Variants in DOCK11 observed in about 807,000 individuals in gnomAD.
The protein encoded by DOCK11 is dedicator of cytokinesis 11.
DOCK11 carries 70 observed loss-of-function variants against 169.1 expected under a neutral mutation model. The observed-to-expected ratio is 0.41, with a 90% confidence interval of 0.34 to 0.51. The LOEUF is 0.51. DOCK11 is among the 20% of genes least tolerant of loss of function. The pLI is 0.10. For missense variants in DOCK11, 1,166 were observed against 1,538.8 expected, an observed-to-expected ratio of 0.76 and a Z score of 4.05; for synonymous variants, 529 against 541.3, an observed-to-expected ratio of 0.98 and a Z score of 0.32.
At chrX:118,523,603 C>T (rs1422693992) in intron 1 of DOCK11, among the ~76,000 whole-genome samples, 2 of 112,267 alleles carry the variant, frequency 1.8e-5, no homozygotes, top group Non-Finnish European at 3.8e-5. Flanking sequence ...GGATATTCAA[C>T]AGTTCAGCCT....
intron 28 of DOCK11, among the ~76,000 whole-genome samples, chrX:118,612,677 CAT>C (rs1461183481): frequency 8.9e-6 from 1 of 111,832 alleles, no homozygotes; most frequent in African/African-American, 3.3e-5. Context: ...AAACAAGTAA[CAT>C]AGTGCAGAGT....
chrX:118,633,995 C>T (rs1426820218), intron 35 of DOCK11: 2 of 112,481 alleles, frequency 1.8e-5, no homozygotes, highest in South Asian at 3.7e-4. Flanking sequence ...TGTCATTGAA[C>T]AGCAGTCACA....
At chrX:118,637,187 A>C (rs1344786775) in intron 36 of DOCK11, among the ~76,000 whole-genome samples, 1 of 110,663 alleles carries the variant, frequency 9.0e-6, no homozygotes, top group Admixed American at 9.7e-5. Context: ...ACTAATGAAA[A>C]TATCTGATGT....
chrX:118,635,653 T>C (rs1280822087), intron 35 of DOCK11, among the ~76,000 whole-genome samples: 1 of 111,782 alleles, frequency 8.9e-6, no homozygotes, highest in Admixed American at 9.5e-5. Flanking sequence ...AGTGGCACGA[T>C]CTCAGCTCAC....
At chrX:118,638,247 T>A (rs2015442494) in intron 37 of DOCK11, 120 bp downstream of exon 37, 1 of 606,119 alleles carries the variant, frequency 1.6e-6, no homozygotes, top group African/African-American at 2.3e-5. Flanking sequence ...TACCGGTGAT[T>A]TAGTTAACAT....
chrX:118,679,740 AAAAT>A (rs1344127022), intron 48 of DOCK11, among the ~76,000 whole-genome samples: 4 of 110,320 alleles, frequency 3.6e-5, no homozygotes, highest in East Asian at 2.8e-4. Context: ...CTCCATCTCA[AAAAT>A]AAATAAATAA....
intron 48 of DOCK11, among the ~76,000 whole-genome samples, chrX:118,679,918 ATT>A (rs55756738): frequency 1.0e-3 from 56 of 55,405 alleles, no homozygotes; most frequent in East Asian, 2.1e-3. Context: ...GATTACAGTA[ATT>A]TTTTTTTTTT....
intron 13 of DOCK11, among the ~76,000 whole-genome samples, chrX:118,579,427 C>T (rs764484606): frequency 9.3e-6 from 1 of 107,597 alleles, no homozygotes; most frequent in East Asian, 2.8e-4. Flanking sequence ...TTATGTACAT[C>T]AATCTGTTGT....
chrX:118,666,970 C>T (rs190298285), intron 45 of DOCK11, among the ~76,000 whole-genome samples: 5 of 111,686 alleles, frequency 4.5e-5, no homozygotes, highest in Admixed American at 2.9e-4. Flanking sequence ...CCCTAATAAC[C>T]GATGATGTCT....
At position 118,601,105 on chromosome X, in the gene DOCK11, G is replaced by A. The variant is rs753030581; in HGVS notation, c.2562+1877G>A. ...GACAGTCAATAAGTGGTGGCTATAT[G>A]GCTATATGTTCTTAACTATCATTAA... is the stretch of plus-strand genomic sequence containing the variant. On this transcript the variant is annotated intron_variant, in intron 23 of 52. Coordinates refer to ENST00000276202, the MANE Select transcript of DOCK11 (RefSeq NM_144658.4). 2.5e-4 allele frequency among the ~76,000 whole-genome samples: 28 copies of A among 111,270 alleles called. 3 individuals are homozygous for A. Among genetic ancestry groups the A allele is most frequent in the Admixed American group, 2.0e-3 (21 of 10,486 alleles).
intron 44 of DOCK11, among the ~76,000 whole-genome samples, chrX:118,659,629 A>T (rs1331971677): frequency 8.9e-6 from 1 of 112,252 alleles, no homozygotes; most frequent in African/African-American, 3.2e-5. Flanking sequence ...GAGATCCATT[A>T]TCAGGCAGAT....
In DOCK11 at chrX:118,561,649, G is replaced by A. The variant is rs1195907047; in HGVS notation, c.693+132G>A. On this transcript the variant is annotated intron_variant, in intron 7 of 52. Coordinates refer to ENST00000276202, the MANE Select transcript of DOCK11 (RefSeq NM_144658.4). ...TTTGAGAGGCTGAGGCAGGAGGATC[G>A]CTTGAGCCTAGGAGTACATCAGCCT... 7 of 649,468 alleles carry A rather than the reference G, an allele frequency of 1.1e-5. 1 individual carries two copies. Among genetic ancestry groups the A allele is most frequent in the African/African-American group, 6.9e-5 (3 of 43,522 alleles). The allele number at this position is 649,468 out of a possible 1,213,427, so 53.5% of individuals were successfully genotyped here. A position where few individuals can be genotyped will look rare whatever the true frequency, so the allele number is the denominator to read the frequency against.
At chrX:118,648,582 A>AATATATAAT (rs199563394) in intron 40 of DOCK11, among the ~76,000 whole-genome samples, 1 of 97,580 alleles carries the variant, frequency 1.0e-5, no homozygotes, top group Non-Finnish European at 2.0e-5. Context: ...CATATATATA[A>AATATATAAT]ATATATAATA....
intron 7 of DOCK11, among the ~76,000 whole-genome samples, chrX:118,565,613 T>G (rs1418450220): frequency 8.9e-6 from 1 of 112,152 alleles, no homozygotes; most frequent in Non-Finnish European, 1.9e-5. Flanking sequence ...TTTAAAGTGC[T>G]GACTTTGAAA....
At position 118,503,234 on chromosome X, in the gene DOCK11, T is replaced by C. The variant is rs776186368; in HGVS notation, c.102+7161T>C. Among the ~76,000 whole-genome samples, 4 of 110,283 alleles carry C rather than the reference T, an allele frequency of 3.6e-5. No individual in the cohort carries two copies. The East Asian group carries it at 1.1e-3, about 31-fold the overall frequency. ...GCCACCACGCCCCATATAATTTTTG[T>C]ATTTTTAGTAGAGATGGGGTTTCAC... On this transcript the variant is annotated intron_variant, in intron 1 of 52. Transcript: ENST00000276202.
chrX:118,684,113 A>G, intron 52 of DOCK11, among the ~76,000 whole-genome samples: 1 of 111,404 alleles, frequency 9.0e-6, no homozygotes, highest in African/African-American at 3.3e-5. Flanking sequence ...GTTAATGTGT[A>G]CTGAAATTTG....
intron 21 of DOCK11, 74 bp downstream of exon 21, chrX:118,597,626 GT>G: frequency 8.7e-7 from 1 of 1,150,902 alleles, no homozygotes; most frequent in Non-Finnish European, 1.2e-6. Context: ...GGTCTCGATT[GT>G]TTAGTACAAT....
At chrX:118,512,270 A>G (rs902209511) in intron 1 of DOCK11, among the ~76,000 whole-genome samples, 1 of 112,238 alleles carries the variant, frequency 8.9e-6, no homozygotes, top group African/African-American at 3.2e-5. Context: ...GGAAGGCAAG[A>G]CCAGGGCTTA....
Position 118,537,844 on chromosome X carries a change from T to A in DOCK11, c.103-4881T>A, listed in dbSNP as rs146809620. 2.6e-4 allele frequency among the ~76,000 whole-genome samples: 29 copies of A among 111,672 alleles called. No individual in the cohort carries two copies. The East Asian group carries it at 8.2e-3, about 31-fold the overall frequency. On this transcript the variant is annotated intron_variant, in intron 1 of 52. Transcript: ENST00000276202. ...ACTGAATCTATTCTGACGAGTTTCC[T>A]TTTTTGCTATCTGTCCTTTCCACTT...
Sources: gnomAD v4.1 joint callset for allele counts (sites outside exome capture counted in the v4.1 genomes callset) on GRCh38, gnomAD v4.1.1 for gene constraint, MANE v1.5 for transcripts, NCBI Gene and HGNC (gene_info 2026-07-23, HGNC 2026-07-21) for gene names.